HS6ST3: variants seen among roughly 807,000 people sequenced by gnomAD.
HS6ST3 encodes the protein heparan-sulfate 6-O-sulfotransferase 3.
HS6ST3 carries 12 observed loss-of-function variants against 36.7 expected under a neutral mutation model. That is an observed-to-expected ratio of 0.33 (90% confidence interval 0.21 to 0.53). The LOEUF (loss-of-function observed/expected upper bound fraction) is 0.53. HS6ST3 is among the 20% of genes least tolerant of loss of function. The probability of loss-of-function intolerance (pLI) is 0.95; values close to 1 mark genes in which losing one functional copy is unlikely to be tolerated. For missense variants in HS6ST3, 584 were observed against 640.9 expected, an observed-to-expected ratio of 0.91 and a Z score of 0.96; for synonymous variants, 240 against 257.5, an observed-to-expected ratio of 0.93 and a Z score of 0.65.
chr13:96,834,829 G>C lies in HS6ST3; in HGVS notation c.*1631G>C, dbSNP rs574206156. The C allele has an allele frequency of 6.5e-6, 1 of 152,706 alleles. No individual in the cohort carries two copies. The highest frequency in any genetic ancestry group is 2.1e-4 in the South Asian group (1 of 4,816). The allele number at this position is 152,706 out of a possible 1,614,324, so 9.5% of individuals were successfully genotyped here. On this transcript the variant is annotated 3_prime_UTR_variant, in exon 2 of 2. Transcript: ENST00000376705. ...ACAAGCATTCACAGAGTGCTTACCT[G>C]CCCCGAGGGAAGTCCAGCAGCTCCA... is the stretch of plus-strand genomic sequence containing the variant.
chr13:96,814,753 T>TGTCTTACCTATTG (rs1878385526), intron 1 of HS6ST3, among the ~76,000 whole-genome samples: 1 of 152,186 alleles, frequency 6.6e-6, no homozygotes, highest in South Asian at 2.1e-4. Flanking sequence ...CCCCACTATT[T>TGTCTTACCTATTG]GTCTTACCTA....
At chr13:96,797,247 G>A (rs1322918064) in intron 1 of HS6ST3, among the ~76,000 whole-genome samples, 1 of 152,060 alleles carries the variant, frequency 6.6e-6, no homozygotes, top group Non-Finnish European at 1.5e-5. Context: ...ACAGATGTTT[G>A]CAAAGCCATG....
Position 96,601,535 on chromosome 13 carries a change from T to G in HS6ST3, c.708-230955T>G, listed in dbSNP as rs983720762. Among the ~76,000 whole-genome samples, 5 of 152,276 alleles carry G rather than the reference T, an allele frequency of 3.3e-5. No individual in the cohort carries two copies. In the South Asian group the frequency reaches 8.3e-4, roughly 25 times the overall value. On this transcript the variant is annotated intron_variant, in intron 1 of 1. Coordinates refer to ENST00000376705, the MANE Select transcript of HS6ST3 (RefSeq NM_153456.4). ...TGTATCCTGAATTGTTTCATTTCTT[T>G]ATGTTGGTTTTAACTTTCTCTTGGA... is the stretch of plus-strand genomic sequence containing the variant.
chr13:96,723,598 T>C (rs545650266), intron 1 of HS6ST3, among the ~76,000 whole-genome samples: 3 of 152,250 alleles, frequency 2.0e-5, no homozygotes, highest in Admixed American at 6.5e-5. Flanking sequence ...TTTTCATTAG[T>C]ACCTTTAAAC....
At chr13:96,270,040 A>T (rs577909349) in intron 1 of HS6ST3, among the ~76,000 whole-genome samples, 1 of 152,004 alleles carries the variant, frequency 6.6e-6, no homozygotes, top group East Asian at 1.9e-4. Flanking sequence ...GAGAGCTTAG[A>T]CGTACCTGGT....
intron 1 of HS6ST3, among the ~76,000 whole-genome samples, chr13:96,134,130 C>T (rs1361177712): frequency 1.3e-5 from 2 of 152,020 alleles, no homozygotes; most frequent in East Asian, 3.9e-4. Flanking sequence ...TATTCTGTTC[C>T]ATTGGTCTGT....
rs1295869456 is a variant in HS6ST3 at position 96,091,102 on chromosome 13, GGGACCTCGGGGGGCC to G, written c.242_256del (p.Gly81_Ala85del). 9 of 1,359,372 alleles carry G rather than the reference GGGACCTCGGGGGGCC, an allele frequency of 6.6e-6. No homozygotes were observed. In the South Asian group the frequency reaches 1.5e-4, roughly 23 times the overall value. The allele number at this position is 1,359,372 out of a possible 1,614,324, so 84.2% of individuals were successfully genotyped here. A position where few individuals can be genotyped will look rare whatever the true frequency, so the allele number is the denominator to read the frequency against. On this transcript the variant is annotated inframe_deletion, in exon 1 of 2. Coordinates refer to ENST00000376705, the MANE Select transcript of HS6ST3 (RefSeq NM_153456.4). ...CCCCGCCGCCCCGGGGGCCCCCCGA[GGGACCTCGGGGGGCC>G]GCGGCGCCGGAGGAGGAGGACGAGG...
At chr13:96,801,373 G>C (rs777494113) in intron 1 of HS6ST3, among the ~76,000 whole-genome samples, 1 of 152,086 alleles carries the variant, frequency 6.6e-6, no homozygotes, top group Non-Finnish European at 1.5e-5. Flanking sequence ...TTTTAAAAAG[G>C]CTTTAAGTCC....
intron 1 of HS6ST3, among the ~76,000 whole-genome samples, chr13:96,497,186 C>A (rs564150496): frequency 6.6e-6 from 1 of 152,156 alleles, no homozygotes; most frequent in South Asian, 2.1e-4. Context: ...GAAAAGGGAG[C>A]CAGTGGTAGA....
chr13:96,626,754 G>T (rs1014823206), intron 1 of HS6ST3, among the ~76,000 whole-genome samples: 1 of 151,664 alleles, frequency 6.6e-6, no homozygotes, highest in Non-Finnish European at 1.5e-5. Flanking sequence ...TTTAAAATTC[G>T]TATTTAAAAA....
rs1488822097 is a variant in HS6ST3, at chr13:96,836,196, C to A, written c.*2998C>A. ...TCAGTGTCAAAAGCCCAAGAAAAGA[C>A]AAAAAAGAAAAAAACAATCCCCAGG... On this transcript the variant is annotated 3_prime_UTR_variant, in exon 2 of 2. Transcript: ENST00000376705. 4 of 151,836 alleles carry A rather than the reference C, an allele frequency of 2.6e-5. No individual in the cohort carries two copies. The allele number at this position is 151,836 out of a possible 1,614,324, so 9.4% of individuals were successfully genotyped here. A position where few individuals can be genotyped will look rare whatever the true frequency, so the allele number is the denominator to read the frequency against.
chr13:96,576,387 G>A (rs2056321366), intron 1 of HS6ST3, among the ~76,000 whole-genome samples: 2 of 148,726 alleles, frequency 1.3e-5, no homozygotes, highest in African/African-American at 2.4e-5. Flanking sequence ...AAAACAGATG[G>A]GGCAACAATT....
At chr13:96,813,250 A>G (rs1013262596) in intron 1 of HS6ST3, among the ~76,000 whole-genome samples, 9 of 152,214 alleles carry the variant, frequency 5.9e-5, no homozygotes, top group African/African-American at 2.2e-4. Flanking sequence ...ACACAGAAAA[A>G]TAGTCTGGTA....
intron 1 of HS6ST3, among the ~76,000 whole-genome samples, chr13:96,821,054 G>C (rs1325187776): frequency 6.6e-6 from 1 of 152,220 alleles, no homozygotes; most frequent in Admixed American, 6.5e-5. Flanking sequence ...GAATGCAACT[G>C]CAATAATTCT....
intron 1 of HS6ST3, among the ~76,000 whole-genome samples, chr13:96,299,973 G>A (rs995604603): frequency 4.0e-5 from 6 of 151,702 alleles, no homozygotes; most frequent in African/African-American, 1.5e-4. Context: ...GTACAATCAT[G>A]GCGGAAGAGC....
intron 1 of HS6ST3, among the ~76,000 whole-genome samples, chr13:96,292,452 C>A (rs988337463): frequency 6.6e-6 from 1 of 151,820 alleles, no homozygotes; most frequent in African/African-American, 2.4e-5. Flanking sequence ...TTAAAAACAG[C>A]CATTTAAATT....
chr13:96,364,959 G>A (rs1179736304), intron 1 of HS6ST3, among the ~76,000 whole-genome samples: 3 of 152,076 alleles, frequency 2.0e-5, no homozygotes, highest in Admixed American at 6.5e-5. Context: ...TCCCTTCTAG[G>A]TAGTAAACAT....
intron 1 of HS6ST3, among the ~76,000 whole-genome samples, chr13:96,313,085 T>G (rs1391619830): frequency 1.3e-5 from 2 of 152,024 alleles, no homozygotes; most frequent in Non-Finnish European, 2.9e-5. Flanking sequence ...GTATAAATAG[T>G]GGTATCATCT....
At chr13:96,688,961 A>G (rs541868981) in intron 1 of HS6ST3, among the ~76,000 whole-genome samples, 12 of 152,094 alleles carry the variant, frequency 7.9e-5, no homozygotes, top group African/African-American at 2.4e-4. Context: ...CCTCCATCCA[A>G]AGAGGCACCA....
Sources: allele counts gnomAD v4.1 joint callset (sites outside exome capture counted in the v4.1 genomes callset), GRCh38; gene constraint gnomAD v4.1.1; transcripts MANE v1.5; gene names NCBI Gene and HGNC (gene_info 2026-07-23, HGNC 2026-07-21).